PREX1: variants seen among roughly 807,000 people sequenced by gnomAD.
PREX1 encodes the protein phosphatidylinositol-3,4,5-trisphosphate dependent Rac exchange factor 1, also known as phosphatidylinositol 3,4,5-trisphosphate-dependent Rac exchanger 1 protein.
PREX1 carries 41 observed loss-of-function variants against 198.3 expected under a neutral mutation model. That is an observed-to-expected ratio of 0.21 (90% CI 0.16 to 0.27). The LOEUF is 0.27. Ranked by LOEUF, PREX1 falls within the 10% of genes least tolerant of loss-of-function variation. The pLI, the probability that PREX1 is intolerant of heterozygous loss-of-function variation, is 1.00. For missense variants in PREX1, 1,620 were observed against 2,200.7 expected, an observed-to-expected ratio of 0.74 and a Z score of 5.28; for synonymous variants, 843 against 887.2, an observed-to-expected ratio of 0.95 and a Z score of 0.89.
At chr20:48,732,832 T>C (rs1292334429) in intron 4 of PREX1, among the ~76,000 whole-genome samples, 2 of 152,164 alleles carry the variant, frequency 1.3e-5, no homozygotes, top group Admixed American at 6.5e-5. Context: ...TGTTACGCCC[T>C]GAAAAGGAGA....
At chr20:48,681,926 T>G (rs1274231891) in intron 10 of PREX1, among the ~76,000 whole-genome samples, 1 of 151,684 alleles carries the variant, frequency 6.6e-6, no homozygotes, top group Non-Finnish European at 1.5e-5. Flanking sequence ...GAAGAAATAA[T>G]AGGGGGCCAG....
At chr20:48,715,775 T>C (rs1163574040) in intron 5 of PREX1, among the ~76,000 whole-genome samples, 2 of 152,208 alleles carry the variant, frequency 1.3e-5, no homozygotes, top group Admixed American at 6.5e-5. Context: ...ATAGTCCTAA[T>C]AGCTAGCATC....
intron 1 of PREX1, among the ~76,000 whole-genome samples, chr20:48,792,168 C>T (rs554878222): frequency 1.3e-5 from 2 of 152,304 alleles, no homozygotes; most frequent in South Asian, 2.1e-4. Flanking sequence ...GGGCTTGAGG[C>T]ATTGTTTTAT....
intron 1 of PREX1, among the ~76,000 whole-genome samples, chr20:48,811,930 G>C (rs960702010): frequency 6.6e-6 from 1 of 152,212 alleles, no homozygotes; most frequent in Non-Finnish European, 1.5e-5. Flanking sequence ...CCTGGGTTTC[G>C]GTTCCATCTC....
At chr20:48,769,995 T>C (rs1181976254) in intron 1 of PREX1, among the ~76,000 whole-genome samples, 1 of 152,228 alleles carries the variant, frequency 6.6e-6, no homozygotes, top group Non-Finnish European at 1.5e-5. Flanking sequence ...AAATCACTTG[T>C]AAGCCCAAGG....
chr20:48,766,975 A>C (rs1332011476), intron 1 of PREX1, among the ~76,000 whole-genome samples: 2 of 152,084 alleles, frequency 1.3e-5, no homozygotes, highest in East Asian at 3.9e-4. Context: ...CAGATGACTG[A>C]TTCCTCCTCT....
chr20:48,676,103 CA>C (rs1487097976), intron 14 of PREX1, 89 bp downstream of exon 14: 2 of 1,296,076 alleles, frequency 1.5e-6, no homozygotes, highest in Admixed American at 3.5e-5. Flanking sequence ...CAATTAAAAG[CA>C]ATAAGAAAAA....
At chr20:48,754,446 C>A (rs2090148048) in intron 1 of PREX1, among the ~76,000 whole-genome samples, 1 of 152,144 alleles carries the variant, frequency 6.6e-6, no homozygotes, top group African/African-American at 2.4e-5. Flanking sequence ...CTTAGGGGTG[C>A]CCCTGGGGAG....
At chr20:48,717,056 A>G (rs1242550909) in intron 5 of PREX1, among the ~76,000 whole-genome samples, 1 of 152,200 alleles carries the variant, frequency 6.6e-6, no homozygotes, top group African/African-American at 2.4e-5. Context: ...CATAAAAACA[A>G]TAAAGTAGAT....
Position 48,625,319 on chromosome 20 carries a change from G to A in PREX1, c.*566C>T, listed in dbSNP as rs1403724096. On this transcript the variant is annotated 3_prime_UTR_variant, in exon 40 of 40. Transcript: ENST00000371941. ...AGGGGCGGTGATGTCCAGAGCTGGT[G>A]TGGCTCTCGGGGATCCTCTGGTAAC... The A allele has an allele frequency of 2.0e-5, 3 of 152,512 alleles. No homozygotes were observed. The highest frequency in any genetic ancestry group is 4.4e-5 in the Non-Finnish European group (3 of 68,088). The allele number at this position is 152,512 out of a possible 1,614,324, so 9.4% of individuals were successfully genotyped here.
At chr20:48,713,857 T>TAAAAAAAAAAAAAAAAAAAAAAA (rs71337452) in intron 5 of PREX1, among the ~76,000 whole-genome samples, 2 of 81,736 alleles carry the variant, frequency 2.4e-5, no homozygotes, top group Non-Finnish European at 2.5e-5. Flanking sequence ...CCCAGAACTA[T>TAAAAAAAAAAAAAAAAAAAAAAA]AAAAAAAAAA....
rs2089323226 is a variant in PREX1 at position 48,632,534 on chromosome 20, C to G, written c.4373G>C (p.Gly1458Ala). 1.2e-6 allele frequency: 2 copies of G among 1,614,130 alleles called. No homozygotes were observed. Among genetic ancestry groups the G allele is most frequent in the Non-Finnish European group, 1.7e-6 (2 of 1,180,010 alleles). ...FSKLPSRLEG[G>A]ASLRLHTALF... ...CGCTGTGTGCAGCCTCAGGCTGGCCCCACCCTCCAGGCGGGAGGGCAGCTT... is the reference window on the plus strand; with the variant it reads ...CGCTGTGTGCAGCCTCAGGCTGGCCGCACCCTCCAGGCGGGAGGGCAGCTT... The change falls in exon 34 of 40, where the codon GGG (glycine) becomes GCG (alanine). Residue 1458 changes from glycine (G) to alanine (A), a missense_variant. Gly to Ala is a moderately conservative substitution (Grantham distance 60, BLOSUM62 0). Around this residue, in one of 7 missense-constraint regions of PREX1, gnomAD observed 476 missense variants for 603.4 expected, o/e 0.79. Transcript: ENST00000371941.
chr20:48,864,794 G>A, the PREX1 span, among the ~76,000 whole-genome samples: 8 of 152,162 alleles, frequency 5.3e-5, no homozygotes, highest in African/African-American at 9.7e-5. Context: ...ATTGTTCTTC[G>A]TGGGTTCTTC....
At chr20:48,726,825 C>T (rs1207823535) in intron 4 of PREX1, among the ~76,000 whole-genome samples, 1 of 152,206 alleles carries the variant, frequency 6.6e-6, no homozygotes, top group African/African-American at 2.4e-5. Context: ...AAATGGGACG[C>T]GACCTAAATA....
chr20:48,807,940 G>A (rs1295838601), intron 1 of PREX1, among the ~76,000 whole-genome samples: 1 of 152,090 alleles, frequency 6.6e-6, no homozygotes, highest in African/African-American at 2.4e-5. Flanking sequence ...GAGCAAGATG[G>A]GGACACCTTC....
chr20:48,803,711 G>C (rs1386975012), intron 1 of PREX1, among the ~76,000 whole-genome samples: 1 of 148,990 alleles, frequency 6.7e-6, no homozygotes, highest in African/African-American at 2.5e-5. Flanking sequence ...TTGTGGGGCA[G>C]CCGGCACCTC....
intron 24 of PREX1, 80 bp downstream of exon 24, chr20:48,649,916 G>T (rs2089479756): frequency 1.3e-6 from 2 of 1,510,596 alleles, no homozygotes; most frequent in East Asian, 2.3e-5. Context: ...GCCCTGGACG[G>T]CTGACCTTCA....
chr20:48,667,004 G>A (rs2089645396), intron 14 of PREX1, among the ~76,000 whole-genome samples: 1 of 152,154 alleles, frequency 6.6e-6, no homozygotes, highest in Non-Finnish European at 1.5e-5. Flanking sequence ...TGCAGCTACA[G>A]GTGGCCAATG....
the PREX1 span, among the ~76,000 whole-genome samples, chr20:48,874,530 A>T: frequency 6.6e-6 from 1 of 151,964 alleles, no homozygotes. Flanking sequence ...CCCTCAGGTC[A>T]CTTACAATTA....
Sources: gnomAD v4.1 joint callset for allele counts (sites outside exome capture counted in the v4.1 genomes callset) on GRCh38, gnomAD v4.1.1 for gene constraint, gnomAD v4.1.1 regional missense constraint, MANE v1.5 for transcripts, NCBI Gene and HGNC (gene_info 2026-07-23, HGNC 2026-07-21) for gene names.